The following MYO18B variants were observed in gnomAD, a reference collection of about 807,000 sequenced individuals.
The protein encoded by MYO18B is unconventional myosin-XVIIIb.
Under a neutral mutation model 273.0 loss-of-function variants are expected in MYO18B, and 204 were observed. That is an observed-to-expected ratio of 0.75 (90% confidence interval 0.67 to 0.84). The LOEUF (loss-of-function observed/expected upper bound fraction) is 0.84. MYO18B is among the 40% of genes least tolerant of loss of function. MYO18B has a pLI of 0.00. For missense variants in MYO18B, 3,212 were observed against 3,287.6 expected, an observed-to-expected ratio of 0.98 and a Z score of 0.56; for synonymous variants, 1,330 against 1,305.7, an observed-to-expected ratio of 1.02 and a Z score of -0.40.
intron 39 of MYO18B, among the ~76,000 whole-genome samples, chr22:25,988,176 C>CG (rs2093222839): frequency 6.6e-6 from 1 of 151,766 alleles, no homozygotes; most frequent in Non-Finnish European, 1.5e-5. Flanking sequence ...TCCGTGTCTC[C>CG]GGAGGGGTCT....
intron 41 of MYO18B, among the ~76,000 whole-genome samples, chr22:26,003,802 A>G (rs1934192283): frequency 1.3e-5 from 2 of 152,126 alleles, no homozygotes; most frequent in Admixed American, 6.5e-5. Flanking sequence ...TAGGCCTCCA[A>G]GAAGCAAATC....
intron 1 of MYO18B, among the ~76,000 whole-genome samples, chr22:25,745,693 A>C (rs949702753): frequency 7.7e-6 from 1 of 130,112 alleles, no homozygotes; most frequent in Non-Finnish European, 1.5e-5. Flanking sequence ...GATCCTCAAG[A>C]ATCGGCAAAG....
intron 36 of MYO18B, among the ~76,000 whole-genome samples, chr22:25,948,486 C>CT (rs767017177): frequency 4.1e-5 from 3 of 73,272 alleles, no homozygotes; most frequent in African/African-American, 1.5e-4. Flanking sequence ...TTCTTTCTTT[C>CT]TCTTTCTTTC....
chr22:25,910,892 G>A (rs569874083), intron 32 of MYO18B, 54 bp from the exon 33 acceptor site: 2 of 1,397,824 alleles, frequency 1.4e-6, no homozygotes, highest in Admixed American at 2.0e-5. Flanking sequence ...CTTGTAGGAT[G>A]TGTCTGGATG....
At chr22:25,896,121 A>G (rs1440795015) in intron 28 of MYO18B, among the ~76,000 whole-genome samples, 2 of 152,122 alleles carry the variant, frequency 1.3e-5, no homozygotes, top group African/African-American at 4.8e-5. Context: ...TCCTTGAGAT[A>G]ATGCTAAATT....
intron 2 of MYO18B, 165 bp from the exon 3 acceptor site, chr22:25,763,065 CT>C (rs35552836): frequency 0.03 from 23,898 of 809,186 alleles, 452 homozygotes; most frequent in Non-Finnish European, 0.036. Context: ...AGGGACCCCC[CT>C]GAGTCGTGCT....
At chr22:25,776,839 A>C (rs1020801587) in intron 7 of MYO18B, among the ~76,000 whole-genome samples, 3 of 152,140 alleles carry the variant, frequency 2.0e-5, no homozygotes, top group Non-Finnish European at 4.4e-5. Flanking sequence ...TGTAGAAGAA[A>C]CTGCCAGGCT....
At chr22:25,809,208 G>T (rs777208945) in intron 12 of MYO18B, among the ~76,000 whole-genome samples, 3 of 152,248 alleles carry the variant, frequency 2.0e-5, no homozygotes, top group African/African-American at 4.8e-5. Context: ...CTCCCAAAGC[G>T]CTGGGATTAC....
chr22:25,891,012 T>TGG, intron 26 of MYO18B, 137 bp downstream of exon 26: 2 of 1,299,608 alleles, frequency 1.5e-6, no homozygotes, highest in South Asian at 3.0e-5. Flanking sequence ...CTCAAGGTCC[T>TGG]GGGGGACACT....
chr22:26,036,236 G>A, the MYO18B span, among the ~76,000 whole-genome samples: 1 of 152,190 alleles, frequency 6.6e-6, no homozygotes, highest in South Asian at 2.1e-4. Context: ...CCTGGACCTG[G>A]TTGCTTATTT....
At chr22:25,827,896 A>T (rs1425412409) in intron 14 of MYO18B, among the ~76,000 whole-genome samples, 1 of 152,210 alleles carries the variant, frequency 6.6e-6, no homozygotes, top group Non-Finnish European at 1.5e-5. Flanking sequence ...ATAAGCACCT[A>T]GTAGGTGTCT....
At chr22:25,949,872 T>A (rs1210024748) in intron 36 of MYO18B, among the ~76,000 whole-genome samples, 2 of 151,928 alleles carry the variant, frequency 1.3e-5, no homozygotes, top group Non-Finnish European at 2.9e-5. Context: ...GGTTCTATTT[T>A]AAAAAAAACC....
chr22:25,903,869 T>A, intron 31 of MYO18B, 38 bp downstream of exon 31: 2 of 1,559,010 alleles, frequency 1.3e-6, no homozygotes, highest in South Asian at 2.4e-5. Flanking sequence ...CCCTGTCCCA[T>A]GTCTCCAATG....
intron 16 of MYO18B, 115 bp downstream of exon 16, chr22:25,833,112 C>T (rs1024950070): frequency 3.1e-6 from 3 of 967,030 alleles, no homozygotes; most frequent in Non-Finnish European, 4.8e-6. Context: ...CCTAGAGTCA[C>T]CCCGGGATCA....
At chr22:25,782,749 G>A (rs1203691839) in intron 10 of MYO18B, among the ~76,000 whole-genome samples, 2 of 149,770 alleles carry the variant, frequency 1.3e-5, no homozygotes, top group Non-Finnish European at 2.9e-5. Flanking sequence ...GAGTGTCCTG[G>A]CTAAGGCTGG....
In MYO18B at chr22:25,812,013, T is replaced by C. The variant is rs375551518; in HGVS notation, c.2522-11492T>C. Among the ~76,000 whole-genome samples, 14 of 152,268 alleles carry C rather than the reference T, an allele frequency of 9.2e-5. No homozygotes were observed. The South Asian group carries it at 1.0e-3, about 11-fold the overall frequency. ...ACTATGAGGTTATCATTTCCATCTG[T>C]AGGTGGGGAAGCTGAGGCTCAGAGA... On this transcript the variant is annotated intron_variant, in intron 12 of 43. Coordinates refer to ENST00000335473, the MANE Select transcript of MYO18B (RefSeq NM_032608.7).
chr22:25,969,933 CCATCAT>C (rs902143047), intron 39 of MYO18B, among the ~76,000 whole-genome samples: 2 of 152,096 alleles, frequency 1.3e-5, no homozygotes, highest in Non-Finnish European at 2.9e-5. Flanking sequence ...ATCATAATAA[CCATCAT>C]CATCATCATT....
chr22:25,761,179 T>C, intron 2 of MYO18B, 48 bp downstream of exon 2: 1 of 1,605,062 alleles, frequency 6.2e-7, no homozygotes, highest in South Asian at 1.1e-5. Flanking sequence ...AGGGACTGAC[T>C]CGACCCTCGG....
At chr22:25,947,531 C>CAT (rs2092728016) in intron 35 of MYO18B, among the ~76,000 whole-genome samples, 181 bp from the exon 36 acceptor site, 1 of 146,856 alleles carries the variant, frequency 6.8e-6, no homozygotes, top group East Asian at 1.9e-4. Context: ...CACACACACA[C>CAT]ACACACACAC....
Sources: allele counts gnomAD v4.1 joint callset (sites outside exome capture counted in the v4.1 genomes callset), GRCh38; gene constraint gnomAD v4.1.1; transcripts MANE v1.5; gene names NCBI Gene and HGNC (gene_info 2026-07-23, HGNC 2026-07-21).